The following SORCS1 variants were observed in gnomAD, a reference collection of about 807,000 sequenced individuals.
The protein encoded by SORCS1 is sortilin related VPS10 domain containing receptor 1.
SORCS1 carries 60 observed loss-of-function variants against 146.1 expected under a neutral mutation model. The observed-to-expected ratio is 0.41, with a 90% CI of 0.33 to 0.51. The LOEUF (loss-of-function observed/expected upper bound fraction) is 0.51. SORCS1 is among the 20% of genes least tolerant of loss of function. The pLI is 0.21. For synonymous variants in SORCS1, 637 were observed against 584.0 expected (o/e 1.09, Z -1.31); for missense variants, 1,352 against 1,487.6 (o/e 0.91, Z 1.50).
At chr10:106,734,393 C>T (rs1203416745) in intron 5 of SORCS1, among the ~76,000 whole-genome samples, 3 of 152,176 alleles carry the variant, frequency 2.0e-5, no homozygotes, top group Admixed American at 2.0e-4. Context: ...GTTGGTTATC[C>T]TTTCTGAGAC....
intron 1 of SORCS1, among the ~76,000 whole-genome samples, chr10:107,128,553 T>A (rs959401835): frequency 9.2e-5 from 14 of 152,200 alleles, no homozygotes; most frequent in Non-Finnish European, 1.9e-4. Context: ...ACAACAGTAC[T>A]TTGTGATGAT....
chr10:107,125,257 A>C (rs1966651172), intron 1 of SORCS1, among the ~76,000 whole-genome samples: 2 of 152,268 alleles, frequency 1.3e-5, no homozygotes, highest in South Asian at 4.1e-4. Flanking sequence ...GGCCCCGCTC[A>C]GCTTTCTTAA....
At chr10:106,798,779 T>C (rs1270852135) in intron 3 of SORCS1, among the ~76,000 whole-genome samples, 1 of 152,194 alleles carries the variant, frequency 6.6e-6, no homozygotes, top group African/African-American at 2.4e-5. Context: ...GCAGCATGAT[T>C]TATAATGCTT....
At chr10:106,789,403 AAT>A (rs1445360679) in intron 3 of SORCS1, among the ~76,000 whole-genome samples, 6 of 152,168 alleles carry the variant, frequency 3.9e-5, no homozygotes, top group Non-Finnish European at 8.8e-5. Flanking sequence ...AAATTTTTCA[AAT>A]TCATGCTCTG....
chr10:107,039,270 G>C (rs981567111), intron 1 of SORCS1, among the ~76,000 whole-genome samples: 1 of 148,648 alleles, frequency 6.7e-6, no homozygotes, highest in Non-Finnish European at 1.5e-5. Flanking sequence ...GGAGTTTGCA[G>C]TGAGCGTAGA....
At chr10:106,615,092 G>A (rs7095267) in intron 21 of SORCS1, among the ~76,000 whole-genome samples, 38,428 of 151,962 alleles carry the variant, frequency 0.25, 5,942 homozygotes, top group East Asian at 0.52. Context: ...TTTCAAACAA[G>A]TTTCTGTTTC....
intron 1 of SORCS1, among the ~76,000 whole-genome samples, chr10:107,118,422 C>A (rs772567837): frequency 2.6e-5 from 4 of 152,168 alleles, no homozygotes; most frequent in Non-Finnish European, 5.9e-5. Context: ...TGCAGTAAAT[C>A]CAGGAAACAA....
intron 1 of SORCS1, among the ~76,000 whole-genome samples, chr10:107,101,048 C>T (rs540068565): frequency 6.6e-6 from 1 of 152,146 alleles, no homozygotes; most frequent in Admixed American, 6.5e-5. Context: ...GCATGCACCA[C>T]CACACTTAGC....
chr10:106,857,528 A>G (rs1341995424), intron 2 of SORCS1, among the ~76,000 whole-genome samples: 5 of 152,186 alleles, frequency 3.3e-5, no homozygotes, highest in Non-Finnish European at 7.3e-5. Flanking sequence ...AGCCACTTCC[A>G]TTGCTCCTAG....
intron 5 of SORCS1, among the ~76,000 whole-genome samples, chr10:106,745,631 T>C (rs539950558): frequency 1.2e-4 from 19 of 152,300 alleles, no homozygotes; most frequent in African/African-American, 4.6e-4. Context: ...CACTTTTTGA[T>C]ACTTATCCTG....
intron 3 of SORCS1, among the ~76,000 whole-genome samples, chr10:106,796,477 T>C (rs181231402): frequency 6.6e-6 from 1 of 152,332 alleles, no homozygotes; most frequent in Non-Finnish European, 1.5e-5. Flanking sequence ...TGCATTATAC[T>C]CATAAGTCCC....
intron 4 of SORCS1, among the ~76,000 whole-genome samples, chr10:106,770,481 A>C (rs1589840745): frequency 2.4e-5 from 1 of 41,566 alleles, no homozygotes. Flanking sequence ...AAAAAATCGC[A>C]AAAAAAAAAA....
At chr10:107,096,551 C>G (rs1012560617) in intron 1 of SORCS1, among the ~76,000 whole-genome samples, 1 of 152,076 alleles carries the variant, frequency 6.6e-6, no homozygotes, top group South Asian at 2.1e-4. Context: ...CTCCTTCTGT[C>G]GCCAGGCTGG....
intron 1 of SORCS1, among the ~76,000 whole-genome samples, chr10:106,957,165 G>GTTTTTT (rs374081494): frequency 8.7e-5 from 12 of 138,044 alleles, no homozygotes; most frequent in Non-Finnish European, 1.5e-4. Flanking sequence ...GTTTTTTTTT[G>GTTTTTT]TTTTTTTTGT....
intron 9 of SORCS1, 128 bp downstream of exon 9, chr10:106,699,086 A>G (rs1589688723): frequency 1.3e-6 from 1 of 748,118 alleles, no homozygotes; most frequent in East Asian, 2.9e-5. Context: ...AAATCTTTCC[A>G]TCTCCCAAGA....
At chr10:106,671,996 A>G (rs963846829) in intron 15 of SORCS1, among the ~76,000 whole-genome samples, 1 of 152,250 alleles carries the variant, frequency 6.6e-6, no homozygotes, top group African/African-American at 2.4e-5. Context: ...GCCTCTGAAT[A>G]GGGTGGGTGT....
intron 2 of SORCS1, among the ~76,000 whole-genome samples, chr10:106,833,926 T>C (rs968344166): frequency 1.3e-5 from 2 of 152,188 alleles, no homozygotes; most frequent in Non-Finnish European, 2.9e-5. Flanking sequence ...CCCGAGTAGC[T>C]GGGACTACAG....
chr10:106,805,876 G>T (rs1325606627), intron 3 of SORCS1, among the ~76,000 whole-genome samples: 3 of 151,198 alleles, frequency 2.0e-5, no homozygotes, highest in Non-Finnish European at 2.9e-5. Flanking sequence ...GGCTAATACG[G>T]TGAAACCCCG....
At chr10:106,997,089 T>C (rs562964542) in intron 1 of SORCS1, among the ~76,000 whole-genome samples, 108 of 152,236 alleles carry the variant, frequency 7.1e-4, no homozygotes, top group Non-Finnish European at 1.5e-3. Context: ...TTTAAGCCCT[T>C]ACATATAGCG....
Sources: gnomAD v4.1 joint callset for allele counts (sites outside exome capture counted in the v4.1 genomes callset) on GRCh38, gnomAD v4.1.1 for gene constraint, MANE v1.5 for transcripts, NCBI Gene and HGNC (gene_info 2026-07-23, HGNC 2026-07-21) for gene names.